The following BLTP3A variants were observed in gnomAD, a reference collection of about 807,000 sequenced individuals.
BLTP3A encodes bridge-like lipid transfer protein family member 3A, also known as ICBP90 binding protein 1.
chr6:34,794,339 TA>T, the BLTP3A span, among the ~76,000 whole-genome samples: 2 of 115,756 alleles, frequency 1.7e-5, no homozygotes, highest in Non-Finnish European at 3.3e-5. Flanking sequence ...CCACAAAAAT[TA>T]AAAATTAAAG....
At chr6:34,805,901 T>G in the BLTP3A span, among the ~76,000 whole-genome samples, 2 of 152,212 alleles carry the variant, frequency 1.3e-5, no homozygotes, top group Non-Finnish European at 2.9e-5. Context: ...TAAAAGCTTG[T>G]AGACTGGGCT....
At chr6:34,819,032 T>C in the BLTP3A span, among the ~76,000 whole-genome samples, 6 of 152,104 alleles carry the variant, frequency 3.9e-5, no homozygotes, top group Non-Finnish European at 8.8e-5. Context: ...AAAGACTAAG[T>C]ATAGTTAAGG....
the BLTP3A span, among the ~76,000 whole-genome samples, chr6:34,832,906 A>AT: frequency 2.0e-5 from 3 of 151,546 alleles, no homozygotes; most frequent in Admixed American, 6.6e-5. Flanking sequence ...CCAAATATAT[A>AT]TTTTTTTTCA....
chr6:34,867,357 G>A, the BLTP3A span: 1 of 1,614,176 alleles, frequency 6.2e-7, no homozygotes, highest in African/African-American at 1.3e-5. Flanking sequence ...TCACCCAGTG[G>A]AGAAGACCTC....
chr6:34,857,302 T>A, the BLTP3A span: 2 of 1,613,288 alleles, frequency 1.2e-6, no homozygotes, highest in African/African-American at 2.7e-5. Flanking sequence ...TGATTGTTGA[T>A]ACTAACAAAA....
the BLTP3A span, chr6:34,867,224 G>T: frequency 6.2e-7 from 1 of 1,602,906 alleles, no homozygotes; most frequent in Non-Finnish European, 8.5e-7. Context: ...TTTTCATGCA[G>T]AGTCTGGTCC....
chr6:34,870,390 G>C, the BLTP3A span, among the ~76,000 whole-genome samples: 3 of 152,244 alleles, frequency 2.0e-5, no homozygotes, highest in African/African-American at 7.2e-5. Flanking sequence ...CAGGATCCTT[G>C]GCTACACCTG....
the BLTP3A span, among the ~76,000 whole-genome samples, chr6:34,839,695 GCT>G: frequency 6.6e-6 from 1 of 152,196 alleles, no homozygotes; most frequent in Non-Finnish European, 1.5e-5. Context: ...TTATTTAGCA[GCT>G]CTCTCATCAA....
At chr6:34,833,623 A>G in the BLTP3A span, among the ~76,000 whole-genome samples, 2 of 152,228 alleles carry the variant, frequency 1.3e-5, no homozygotes, top group South Asian at 4.1e-4. Flanking sequence ...TCTTAAAAAA[A>G]AATTTCTCAT....
At chr6:34,858,436 T>C in the BLTP3A span, 2 of 1,614,194 alleles carry the variant, frequency 1.2e-6, no homozygotes, top group Non-Finnish European at 1.7e-6. Context: ...CTGGGATCTC[T>C]GGTCTGTCCA....
At chr6:34,864,291 A>T in the BLTP3A span, 2 of 1,233,712 alleles carry the variant, frequency 1.6e-6, no homozygotes, top group Non-Finnish European at 2.3e-6. Context: ...AGAGGAGCTG[A>T]GAGATGATAA....
the BLTP3A span, chr6:34,855,499 C>T: frequency 1.7e-6 from 2 of 1,175,524 alleles, no homozygotes; most frequent in African/African-American, 1.5e-5. Flanking sequence ...CTTTTGGCTG[C>T]ACCGTGTTAT....
the BLTP3A span, among the ~76,000 whole-genome samples, chr6:34,869,026 G>A: frequency 0.015 from 2,267 of 151,076 alleles, 184 homozygotes; most frequent in Admixed American, 0.12. Context: ...TTTTTTTTGA[G>A]ACACAGTCTT....
the BLTP3A span, among the ~76,000 whole-genome samples, chr6:34,809,803 G>C: frequency 6.6e-6 from 1 of 152,098 alleles, no homozygotes. Context: ...TGATCCACCT[G>C]CCTTGGCCTC....
chr6:34,846,706 T>G, the BLTP3A span, among the ~76,000 whole-genome samples: 1 of 152,228 alleles, frequency 6.6e-6, no homozygotes, highest in Non-Finnish European at 1.5e-5. Context: ...TCATATCATC[T>G]GCAAACAAGG....
chr6:34,860,346 T>G, the BLTP3A span, among the ~76,000 whole-genome samples: 1 of 152,162 alleles, frequency 6.6e-6, no homozygotes, highest in African/African-American at 2.4e-5. Flanking sequence ...CATGGGTGCC[T>G]CATGGTTTTA....
the BLTP3A span, chr6:34,857,454 T>G: frequency 3.1e-6 from 5 of 1,613,972 alleles, no homozygotes; most frequent in Non-Finnish European, 4.2e-6. Context: ...ACTTCCCAGA[T>G]AATCAGGAGC....
the BLTP3A span, among the ~76,000 whole-genome samples, chr6:34,806,807 C>T: frequency 6.6e-6 from 1 of 152,126 alleles, no homozygotes; most frequent in East Asian, 1.9e-4. Flanking sequence ...TTACAGGCTC[C>T]TGCCACCACG....
At chr6:34,829,027 CAAAAAAAAAAAAAAA>C in the BLTP3A span, among the ~76,000 whole-genome samples, 2 of 50,726 alleles carry the variant, frequency 3.9e-5, no homozygotes, top group Non-Finnish European at 6.4e-5. Context: ...AACTCCATCT[CAAAAAAAAAAAAAAA>C]AAAAAAAAAA....
Sources: gnomAD v4.1 joint callset for allele counts (sites outside exome capture counted in the v4.1 genomes callset) on GRCh38, gnomAD v4.1.1 for gene constraint, MANE v1.5 for transcripts, NCBI Gene and HGNC (gene_info 2026-07-23, HGNC 2026-07-21) for gene names.